Variants in ZFAND3 observed in about 807,000 individuals in gnomAD.
The protein encoded by ZFAND3 is AN1-type zinc finger protein 3.
In ZFAND3, 10 loss-of-function variants were observed where a neutral mutation model predicts 29.6. The observed-to-expected ratio is 0.34, with a 90% confidence interval of 0.21 to 0.57. The LOEUF (loss-of-function observed/expected upper bound fraction) is 0.57, where lower values mean the gene tolerates loss of function less well. ZFAND3 is among the 20% of genes least tolerant of loss of function. ZFAND3 has a pLI of 0.86. For missense variants in ZFAND3, 230 were observed against 304.5 expected (o/e 0.76, Z 1.82); for synonymous variants, 128 against 112.6 (o/e 1.14, Z -0.87).
At chr6:37,928,635 C>T (rs1298155078) in intron 1 of ZFAND3, among the ~76,000 whole-genome samples, 2 of 152,124 alleles carry the variant, frequency 1.3e-5, no homozygotes. Flanking sequence ...ATTCTTGTGT[C>T]TCAGCCTCCC....
intron 2 of ZFAND3, among the ~76,000 whole-genome samples, chr6:37,966,993 ATGT>A (rs1762304162): frequency 6.6e-6 from 1 of 152,120 alleles, no homozygotes; most frequent in Non-Finnish European, 1.5e-5. Flanking sequence ...CATGTAAATT[ATGT>A]TGTTCTCATT....
At chr6:38,014,356 C>T (rs1301388512) in intron 2 of ZFAND3, among the ~76,000 whole-genome samples, 1 of 150,624 alleles carries the variant, frequency 6.6e-6, no homozygotes, top group Non-Finnish European at 1.5e-5. Context: ...GATGGAGTTT[C>T]ACTCTTGTCG....
intron 1 of ZFAND3, among the ~76,000 whole-genome samples, chr6:37,852,732 T>A (rs1309746984): frequency 2.9e-4 from 43 of 150,526 alleles, no homozygotes; most frequent in Admixed American, 3.3e-4. Context: ...TTTTTTTTTT[T>A]AAAGACAGAG....
intron 5 of ZFAND3, among the ~76,000 whole-genome samples, chr6:38,129,706 G>GT (rs1322398990): frequency 1.3e-5 from 2 of 152,016 alleles, no homozygotes; most frequent in Non-Finnish European, 2.9e-5. Context: ...TTACTATGCC[G>GT]TTTTGGTGAC....
intron 2 of ZFAND3, among the ~76,000 whole-genome samples, chr6:38,026,511 A>G (rs917332417): frequency 7.0e-6 from 1 of 143,622 alleles, no homozygotes; most frequent in African/African-American, 2.6e-5. Flanking sequence ...GCTCACTGCA[A>G]CCTCTGCCTC....
At chr6:38,077,526 G>A (rs1363325656) in intron 3 of ZFAND3, among the ~76,000 whole-genome samples, 5 of 152,192 alleles carry the variant, frequency 3.3e-5, no homozygotes, top group Non-Finnish European at 7.4e-5. Context: ...ACTATGAAAG[G>A]ACTGATAGTA....
Position 38,116,655 on chromosome 6 carries a change from T to A in ZFAND3, c.445T>A (p.Ser149Thr). 2 of 1,614,146 alleles carry A rather than the reference T, an allele frequency of 1.2e-6. No homozygotes were observed. The highest frequency in any genetic ancestry group is 8.5e-7 in the Non-Finnish European group (1 of 1,180,014). ...NTERSEETSRSKQKSRRRCFQ... is the reference protein window; with the variant it reads ...NTERSEETSRTKQKSRRRCFQ... ...GGAACGGTCCGAGGAAACCAGTCGATCTAAACAGAAGAGTCGACGTCGGTG... is the reference window on the plus strand; with the variant it reads ...GGAACGGTCCGAGGAAACCAGTCGAACTAAACAGAAGAGTCGACGTCGGTG... The change falls in exon 5 of 6, where the codon TCT (serine) becomes ACT (threonine). Residue 149 changes from serine (S) to threonine (T), a missense_variant. Physicochemically the swap from Ser to Thr is moderately conservative, Grantham distance 58. Transcript: ENST00000287218.
At chr6:37,983,115 T>C (rs1432591069) in intron 2 of ZFAND3, among the ~76,000 whole-genome samples, 2 of 152,174 alleles carry the variant, frequency 1.3e-5, no homozygotes, top group African/African-American at 4.8e-5. Context: ...TCCAAGGTTT[T>C]AAAAATTCAG....
At chr6:38,051,502 A>C (rs1764025071) in intron 2 of ZFAND3, among the ~76,000 whole-genome samples, 1 of 152,206 alleles carries the variant, frequency 6.6e-6, no homozygotes, top group Admixed American at 6.5e-5. Context: ...CATTGGAGTA[A>C]TTCATGAATG....
intron 3 of ZFAND3, among the ~76,000 whole-genome samples, chr6:38,072,647 GAA>G (rs370690906): frequency 1.3e-5 from 2 of 149,726 alleles, no homozygotes; most frequent in African/African-American, 4.9e-5. Flanking sequence ...ATGTTTGGCT[GAA>G]AAAAAAACAT....
intron 2 of ZFAND3, among the ~76,000 whole-genome samples, chr6:38,028,703 G>A (rs1222699601): frequency 2.6e-5 from 4 of 152,128 alleles, no homozygotes; most frequent in Non-Finnish European, 4.4e-5. Context: ...AAATTAATGT[G>A]CCAGTGAGTA....
At chr6:38,043,129 A>C (rs374070594) in intron 2 of ZFAND3, among the ~76,000 whole-genome samples, 2 of 152,200 alleles carry the variant, frequency 1.3e-5, no homozygotes, top group Non-Finnish European at 2.9e-5. Context: ...TATAAGAGAC[A>C]GTTTAACCTT....
chr6:38,062,473 C>T (rs1764260696), intron 3 of ZFAND3: 4 of 152,054 alleles, frequency 2.6e-5, no homozygotes, highest in African/African-American at 9.7e-5. Context: ...ACCTCTACCT[C>T]CTGGGTTCAA....
rs532702113 is a variant in ZFAND3, at chr6:38,001,245, G to T, written c.113-60348G>T. Among the ~76,000 whole-genome samples, 5 of 152,304 alleles carry T rather than the reference G, an allele frequency of 3.3e-5. No individual in the cohort carries two copies. The South Asian group carries it at 6.2e-4, about 19-fold the overall frequency. ...TGGAGTAGGACAGTCCCAACTTCCAGTTGAATAATAATCCCCTAGAAACAA... is the reference window on the plus strand; with the variant it reads ...TGGAGTAGGACAGTCCCAACTTCCATTTGAATAATAATCCCCTAGAAACAA... On this transcript the variant is annotated intron_variant, in intron 2 of 5. Coordinates refer to ENST00000287218, the MANE Select transcript of ZFAND3 (RefSeq NM_021943.3).
At chr6:37,990,670 G>A (rs962326557) in intron 2 of ZFAND3, among the ~76,000 whole-genome samples, 5 of 152,178 alleles carry the variant, frequency 3.3e-5, no homozygotes, top group African/African-American at 1.2e-4. Flanking sequence ...CAGTATAAAA[G>A]TATTAAGGTT....
chr6:38,086,382 G>C (rs1208757233), intron 4 of ZFAND3, among the ~76,000 whole-genome samples: 1 of 152,070 alleles, frequency 6.6e-6, no homozygotes, highest in African/African-American at 2.4e-5. Context: ...TAGAGTTCTA[G>C]GATCTCCACA....
chr6:37,905,142 C>A (rs995268612), intron 1 of ZFAND3, among the ~76,000 whole-genome samples: 4 of 152,086 alleles, frequency 2.6e-5, no homozygotes. Context: ...ATTATAAATC[C>A]TATACTCTTG....
At chr6:38,034,473 G>T (rs957543624) in intron 2 of ZFAND3, among the ~76,000 whole-genome samples, 1 of 152,206 alleles carries the variant, frequency 6.6e-6, no homozygotes, top group South Asian at 2.1e-4. Context: ...GATATAAGGA[G>T]CATCTAAGAA....
At chr6:38,131,038 G>T (rs898068480) in intron 5 of ZFAND3, among the ~76,000 whole-genome samples, 76 of 152,206 alleles carry the variant, frequency 5.0e-4, no homozygotes, top group African/African-American at 1.6e-3. Flanking sequence ...AAGCTAGGAG[G>T]GTTGTATCTT....
Sources: allele counts gnomAD v4.1 joint callset (sites outside exome capture counted in the v4.1 genomes callset), GRCh38; gene constraint gnomAD v4.1.1; transcripts MANE v1.5; gene names NCBI Gene and HGNC (gene_info 2026-07-23, HGNC 2026-07-21).